Variants in RAB3B observed in about 807,000 individuals in gnomAD.
RAB3B encodes ras-related protein Rab-3B.
A neutral mutation model predicts 20.5 loss-of-function variants in RAB3B; 11 were observed. That is an observed-to-expected ratio of 0.54 (90% CI 0.34 to 0.89). The LOEUF (loss-of-function observed/expected upper bound fraction) is 0.89, where lower values mean the gene tolerates loss of function less well. RAB3B is among the 40% of genes least tolerant of loss of function. RAB3B has a pLI of 0.02. For synonymous variants in RAB3B, 99 were observed against 106.3 expected (o/e 0.93, Z 0.42); for missense variants, 225 against 280.9 (o/e 0.80, Z 1.42).
chr1:51,983,843 C>G (rs1387429013), intron 1 of RAB3B, among the ~76,000 whole-genome samples: 1 of 151,704 alleles, frequency 6.6e-6, no homozygotes, highest in Non-Finnish European at 1.5e-5. Context: ...ACCTGTAATT[C>G]CAGCTAGTCA....
At chr1:51,980,838 G>T in intron 1 of RAB3B, 1 of 721,188 alleles carries the variant, frequency 1.4e-6, no homozygotes, top group Non-Finnish European at 2.5e-6. Context: ...AGTCCTTAAA[G>T]ACTGAAGATG....
chr1:51,960,200 G>A (rs1684767095), intron 2 of RAB3B, among the ~76,000 whole-genome samples: 1 of 152,238 alleles, frequency 6.6e-6, no homozygotes, highest in South Asian at 2.1e-4. Flanking sequence ...AAATGTTTAT[G>A]GAACAGAACT....
At chr1:51,928,377 G>A (rs1353048637) in intron 4 of RAB3B, among the ~76,000 whole-genome samples, 1 of 152,192 alleles carries the variant, frequency 6.6e-6, no homozygotes, top group Admixed American at 6.5e-5. Context: ...AGAGTGCTGG[G>A]ATTACAGGCG....
intron 1 of RAB3B, among the ~76,000 whole-genome samples, chr1:51,982,237 T>G (rs1393161787): frequency 1.3e-5 from 2 of 152,072 alleles, no homozygotes; most frequent in African/African-American, 2.4e-5. Flanking sequence ...AAACATAAAT[T>G]TAAAAACTAA....
intron 2 of RAB3B, among the ~76,000 whole-genome samples, chr1:51,950,080 G>A (rs1252325152): frequency 6.6e-6 from 1 of 152,220 alleles, no homozygotes; most frequent in Non-Finnish European, 1.5e-5. Flanking sequence ...CACAGGACAG[G>A]TGAGGGGTGG....
intron 2 of RAB3B, among the ~76,000 whole-genome samples, chr1:51,974,475 G>A (rs1287228589): frequency 2.0e-5 from 3 of 152,142 alleles, no homozygotes; most frequent in Non-Finnish European, 4.4e-5. Context: ...ATGGGTCTGG[G>A]AATCAGTGAA....
chr1:51,961,276 G>A (rs771988063), intron 2 of RAB3B, among the ~76,000 whole-genome samples: 30 of 152,142 alleles, frequency 2.0e-4, no homozygotes, highest in Admixed American at 3.9e-4. Flanking sequence ...CAGAGAGAGA[G>A]GAGGGCTGGT....
chr1:51,971,947 G>A (rs537426597), intron 2 of RAB3B, among the ~76,000 whole-genome samples: 12 of 152,280 alleles, frequency 7.9e-5, no homozygotes, highest in Non-Finnish European at 1.5e-4. Flanking sequence ...TCGGGAGGCC[G>A]AGGTAGGTGG....
Position 51,911,043 on chromosome 1 carries a change from C to T in RAB3B, c.*8884G>A, listed in dbSNP as rs1357726442. 2.6e-5 allele frequency: 4 copies of T among 152,216 alleles called. No individual in the cohort carries two copies. Among genetic ancestry groups the T allele is most frequent in the Non-Finnish European group, 2.9e-5 (2 of 68,050 alleles). 9.4% of individuals were successfully genotyped at this position (152,216 alleles called of 1,614,324 possible). On this transcript the variant is annotated 3_prime_UTR_variant, in exon 5 of 5. Coordinates refer to ENST00000371655, the MANE Select transcript of RAB3B (RefSeq NM_002867.4). Reference sequence around the variant, plus strand: ...CATATACCACACAACTCAGTCCAGTCAGTAGTTGACTCTCAAGATGGCGGA... The same window carrying T: ...CATATACCACACAACTCAGTCCAGTTAGTAGTTGACTCTCAAGATGGCGGA...
chr1:51,982,315 A>C (rs1195761251), intron 1 of RAB3B, among the ~76,000 whole-genome samples: 3 of 152,210 alleles, frequency 2.0e-5, no homozygotes, highest in Non-Finnish European at 4.4e-5. Flanking sequence ...TGGGAGGCCA[A>C]GGTGGGAGGA....
rs192503792 is a variant in RAB3B at position 51,937,558 on chromosome 1, C to T, written c.229-146G>A. The T allele has an allele frequency of 1.4e-3, 638 of 468,178 alleles. 4 individuals carry two copies. In the East Asian group the frequency reaches 0.016, roughly 12 times the overall value. The allele number at this position is 468,178 out of a possible 1,614,324, so 29.0% of individuals were successfully genotyped here. ...TGTTGCCCAGGCTGGAGTGCCATGGCGCGATCTCAGCTCACTGCAACCTCT... is the reference window on the plus strand; with the variant it reads ...TGTTGCCCAGGCTGGAGTGCCATGGTGCGATCTCAGCTCACTGCAACCTCT... On this transcript the variant is annotated intron_variant, in intron 2 of 4. Coordinates refer to ENST00000371655, the MANE Select transcript of RAB3B (RefSeq NM_002867.4).
intron 2 of RAB3B, among the ~76,000 whole-genome samples, chr1:51,958,529 G>A (rs1189476058): frequency 6.6e-6 from 1 of 152,114 alleles, no homozygotes; most frequent in Non-Finnish European, 1.5e-5. Flanking sequence ...TTCGAGACCA[G>A]CCTGACCAAC....
chr1:51,958,916 A>C (rs775645860), intron 2 of RAB3B, among the ~76,000 whole-genome samples: 10 of 152,316 alleles, frequency 6.6e-5, no homozygotes, highest in African/African-American at 9.6e-5. Flanking sequence ...TTTGAGAGGT[A>C]TACAGCCTTA....
chr1:51,917,145 T>C lies in RAB3B; in HGVS notation c.*2782A>G, dbSNP rs1023565541. 4 of 152,210 alleles carry C rather than the reference T, an allele frequency of 2.6e-5. No homozygotes were observed. The highest frequency in any genetic ancestry group is 6.5e-5 in the Admixed American group (1 of 15,282). The allele number at this position is 152,210 out of a possible 1,614,324, so 9.4% of individuals were successfully genotyped here. A position where few individuals can be genotyped will look rare whatever the true frequency, so the allele number is the denominator to read the frequency against. The stretch of plus-strand genomic sequence containing the variant: ...CATCTTCAAATGAGGCTCACTATAG[T>C]GCCTCCCTCACAAGATGTTGGGAAG... On this transcript the variant is annotated 3_prime_UTR_variant, in exon 5 of 5. Transcript: ENST00000371655.
chr1:51,984,673 T>C (rs1483287772), intron 1 of RAB3B, among the ~76,000 whole-genome samples: 1 of 152,228 alleles, frequency 6.6e-6, no homozygotes, highest in Non-Finnish European at 1.5e-5. Flanking sequence ...CTCTTAATTA[T>C]TATACATGAA....
chr1:51,958,561 T>C (rs1298879222), intron 2 of RAB3B, among the ~76,000 whole-genome samples: 1 of 151,982 alleles, frequency 6.6e-6, no homozygotes, highest in East Asian at 1.9e-4. Flanking sequence ...CTGTCTCTAC[T>C]AAAAATACAA....
intron 2 of RAB3B, among the ~76,000 whole-genome samples, chr1:51,975,609 C>T (rs927664371): frequency 6.6e-6 from 1 of 152,210 alleles, no homozygotes; most frequent in Non-Finnish European, 1.5e-5. Context: ...TTCAGCAGCT[C>T]TGTGAAGACA....
At chr1:51,937,453 G>T (rs2124256175) in intron 2 of RAB3B, 41 bp from the exon 3 acceptor site, 2 of 1,421,034 alleles carry the variant, frequency 1.4e-6, no homozygotes, top group Non-Finnish European at 1.9e-6. Context: ...TAGAAAGTCT[G>T]CTTTGGTTCC....
intron 3 of RAB3B, among the ~76,000 whole-genome samples, chr1:51,935,506 T>C (rs892744245): frequency 7.2e-5 from 11 of 152,190 alleles, no homozygotes; most frequent in African/African-American, 2.7e-4. Flanking sequence ...TTATCTCCCA[T>C]GCTACTCTTT....
Sources: gnomAD v4.1 joint callset for allele counts (sites outside exome capture counted in the v4.1 genomes callset) on GRCh38, gnomAD v4.1.1 for gene constraint, MANE v1.5 for transcripts, NCBI Gene and HGNC (gene_info 2026-07-23, HGNC 2026-07-21) for gene names.